ANKS1B: variants seen among roughly 807,000 people sequenced by gnomAD.
ANKS1B encodes ankyrin repeat and sterile alpha motif domain-containing protein 1B.
In ANKS1B, 36 loss-of-function variants were observed where a neutral mutation model predicts 148.3. The ratio of observed to expected loss-of-function variants is 0.24; its 90% CI spans 0.19 to 0.32. The LOEUF (loss-of-function observed/expected upper bound fraction) is 0.32, where lower values mean the gene tolerates loss of function less well. Among genes scored for constraint, ANKS1B ranks in the 10% least tolerant of loss-of-function variants. The pLI is 1.00. For missense variants in ANKS1B, 1,157 were observed against 1,542.6 expected, an observed-to-expected ratio of 0.75 and a Z score of 4.19; for synonymous variants, 542 against 560.8, an observed-to-expected ratio of 0.97 and a Z score of 0.47.
intron 14 of ANKS1B, among the ~76,000 whole-genome samples, chr12:99,193,854 T>C (rs2153887257): frequency 7.7e-6 from 1 of 129,252 alleles, no homozygotes; most frequent in African/African-American, 2.9e-5. Flanking sequence ...CAGGCTGGAG[T>C]GCAGTGGTGC....
At chr12:99,046,807 TAAAAAAAAAGAA>T (rs758342218) in intron 17 of ANKS1B, among the ~76,000 whole-genome samples, 6 of 80,560 alleles carry the variant, frequency 7.4e-5, no homozygotes, top group Non-Finnish European at 1.3e-4. Context: ...GACTCTGTCT[TAAAAAAAAAGAA>T]AAAAAAAAGA....
At chr12:99,623,384 T>C (rs998687583) in intron 9 of ANKS1B, among the ~76,000 whole-genome samples, 7 of 151,876 alleles carry the variant, frequency 4.6e-5, no homozygotes, top group Non-Finnish European at 5.9e-5. Context: ...CTATTCAACA[T>C]AGTACTGGAT....
intron 14 of ANKS1B, among the ~76,000 whole-genome samples, chr12:99,161,037 C>T (rs2076604227): frequency 1.3e-5 from 2 of 152,112 alleles, no homozygotes; most frequent in Admixed American, 6.5e-5. Context: ...TTTGGTTCAA[C>T]ATGAATTTTA....
chr12:99,618,635 G>A lies in ANKS1B; in HGVS notation c.1272+36432C>T, dbSNP rs370906965. Among the ~76,000 whole-genome samples the A allele has an allele frequency of 2.0e-5, 3 of 152,128 alleles. No individual in the cohort carries two copies. In the East Asian group the frequency reaches 5.8e-4, roughly 30 times the overall value. ...CACTGTAACTCATCTTTCCACTGAG[G>A]ATTGGAGCAACCCCAACTGAGAAAG... is the stretch of plus-strand genomic sequence containing the variant. On this transcript the variant is annotated intron_variant, in intron 9 of 26. Coordinates refer to ENST00000683438, the MANE Select transcript of ANKS1B (RefSeq NM_001352186.2).
At chr12:99,688,892 AAGAG>A (rs375992528) in intron 8 of ANKS1B, among the ~76,000 whole-genome samples, 36 of 152,026 alleles carry the variant, frequency 2.4e-4, no homozygotes, top group African/African-American at 6.5e-4. Flanking sequence ...AAAAAAAAAA[AAGAG>A]AGAAAATGCA....
chr12:99,086,049 T>C (rs1410660925), intron 15 of ANKS1B, among the ~76,000 whole-genome samples: 1 of 152,052 alleles, frequency 6.6e-6, no homozygotes, highest in Non-Finnish European at 1.5e-5. Flanking sequence ...AGACACCAGA[T>C]CACGATATGA....
intron 15 of ANKS1B, among the ~76,000 whole-genome samples, chr12:99,135,666 C>A (rs893784744): frequency 1.2e-4 from 19 of 152,166 alleles, no homozygotes; most frequent in African/African-American, 4.6e-4. Flanking sequence ...ACCACAGGGG[C>A]AGAATATGGG....
At chr12:98,972,639 T>A (rs911819236) in intron 17 of ANKS1B, among the ~76,000 whole-genome samples, 3 of 152,226 alleles carry the variant, frequency 2.0e-5, no homozygotes, top group African/African-American at 7.2e-5. Context: ...TGTAAAAGCA[T>A]GATATTTTTA....
chr12:99,364,261 C>G (rs1212649662), intron 12 of ANKS1B, among the ~76,000 whole-genome samples: 1 of 138,994 alleles, frequency 7.2e-6, no homozygotes, highest in Non-Finnish European at 1.5e-5. Flanking sequence ...AATGAGTAGA[C>G]AAGCAGTATA....
At chr12:99,067,898 A>G (rs77854400) in intron 16 of ANKS1B, among the ~76,000 whole-genome samples, 42 of 114,800 alleles carry the variant, frequency 3.7e-4, no homozygotes, top group South Asian at 2.8e-3. Flanking sequence ...GTGTGTGTGT[A>G]TGTGTGTGTA....
At chr12:99,343,410 A>G (rs146834775) in intron 12 of ANKS1B, among the ~76,000 whole-genome samples, 1 of 152,184 alleles carries the variant, frequency 6.6e-6, no homozygotes, top group African/African-American at 2.4e-5. Context: ...AATAGCTTTA[A>G]TATTACTTTT....
intron 12 of ANKS1B, among the ~76,000 whole-genome samples, chr12:99,327,475 ATATATAT>A (rs1197394592): frequency 2.3e-5 from 3 of 127,840 alleles, no homozygotes; most frequent in South Asian, 2.1e-4. Context: ...TATGTAAAAT[ATATATAT>A]TATATATTAT....
intron 1 of ANKS1B, among the ~76,000 whole-genome samples, chr12:99,913,053 G>A (rs1323297155): frequency 6.6e-6 from 1 of 152,092 alleles, no homozygotes; most frequent in Non-Finnish European, 1.5e-5. Context: ...TTATTCACGA[G>A]CTACATATTT....
intron 8 of ANKS1B, among the ~76,000 whole-genome samples, chr12:99,750,466 A>G (rs564973907): frequency 6.6e-6 from 1 of 152,224 alleles, no homozygotes; most frequent in South Asian, 2.1e-4. Flanking sequence ...ACAAAAATCA[A>G]CATGTATATG....
intron 22 of ANKS1B, among the ~76,000 whole-genome samples, chr12:98,783,918 G>A (rs1205255643): frequency 6.6e-6 from 1 of 152,174 alleles, no homozygotes; most frequent in African/African-American, 2.4e-5. Flanking sequence ...AAGTTATTGT[G>A]CAAATCCAAA....
intron 10 of ANKS1B, among the ~76,000 whole-genome samples, chr12:99,480,008 T>C (rs1351909915): frequency 2.0e-5 from 3 of 151,820 alleles, no homozygotes; most frequent in African/African-American, 4.8e-5. Flanking sequence ...CCCATAAATA[T>C]ATACACCTAT....
chr12:99,446,747 A>G (rs2095644007), intron 10 of ANKS1B, among the ~76,000 whole-genome samples: 1 of 152,098 alleles, frequency 6.6e-6, no homozygotes, highest in Non-Finnish European at 1.5e-5. Flanking sequence ...GAAACTTAAA[A>G]AGTAGACATA....
intron 11 of ANKS1B, among the ~76,000 whole-genome samples, chr12:99,409,104 C>G (rs1217204092): frequency 6.6e-6 from 1 of 152,158 alleles, no homozygotes; most frequent in African/African-American, 2.4e-5. Context: ...ACCTAAGTGT[C>G]TATCAACATA....
At chr12:99,239,078 G>A (rs555683763) in intron 14 of ANKS1B, among the ~76,000 whole-genome samples, 2 of 152,254 alleles carry the variant, frequency 1.3e-5, no homozygotes, top group South Asian at 2.1e-4. Context: ...TTGATGAGTT[G>A]ACAGAAGTAG....
Sources: allele counts gnomAD v4.1 joint callset (sites outside exome capture counted in the v4.1 genomes callset), GRCh38; gene constraint gnomAD v4.1.1; transcripts MANE v1.5; gene names NCBI Gene and HGNC (gene_info 2026-07-23, HGNC 2026-07-21).